Variants in DNAI7 observed in about 807,000 individuals in gnomAD.
DNAI7 encodes the protein dynein axonemal intermediate chain 7.
In DNAI7, 78 loss-of-function variants were observed where a neutral mutation model predicts 86.6. The observed-to-expected ratio is 0.90, with a 90% CI of 0.75 to 1.09. DNAI7 has a LOEUF of 1.09. DNAI7 is among the 50% of genes least tolerant of loss of function. The pLI, the probability that DNAI7 is intolerant of heterozygous loss-of-function variation, is 0.00. For missense variants in DNAI7, 753 were observed against 810.2 expected (o/e 0.93, Z 0.86); for synonymous variants, 274 against 273.0 (o/e 1.00, Z -0.04).
At chr12:25,162,931 T>C (rs1213666434) in intron 2 of DNAI7, among the ~76,000 whole-genome samples, 2 of 152,154 alleles carry the variant, frequency 1.3e-5, no homozygotes, top group South Asian at 2.1e-4. Flanking sequence ...AGACTCCAGA[T>C]TGTGAATTTT....
chr12:25,176,163 A>C (rs1294747309), intron 2 of DNAI7, among the ~76,000 whole-genome samples: 1 of 152,168 alleles, frequency 6.6e-6, no homozygotes, highest in Non-Finnish European at 1.5e-5. Context: ...TTTTTAAAAT[A>C]AAAATGTTAA....
chr12:25,141,359 A>C (rs1944164435), intron 9 of DNAI7, among the ~76,000 whole-genome samples: 1 of 152,250 alleles, frequency 6.6e-6, no homozygotes. Context: ...AAGGAACTCA[A>C]ACAAATCAGC....
chr12:25,139,355 G>A (rs780353356), intron 9 of DNAI7, among the ~76,000 whole-genome samples: 20 of 152,034 alleles, frequency 1.3e-4, no homozygotes, highest in African/African-American at 7.2e-5. Flanking sequence ...TTCCTAAATC[G>A]TTCCACGGAG....
chr12:25,129,238 TA>T (rs1713151692), intron 9 of DNAI7, among the ~76,000 whole-genome samples: 1 of 152,214 alleles, frequency 6.6e-6, no homozygotes, highest in African/African-American at 2.4e-5. Context: ...TAATCCTGTT[TA>T]ATTTGGTGCA....
chr12:25,169,679 C>T (rs1258928598), intron 2 of DNAI7, among the ~76,000 whole-genome samples: 1 of 151,842 alleles, frequency 6.6e-6, no homozygotes, highest in Admixed American at 6.6e-5. Flanking sequence ...GAAACTCTGT[C>T]TCTACTAAAA....
At chr12:25,171,605 TCC>T (rs1464062781) in intron 2 of DNAI7, among the ~76,000 whole-genome samples, 2 of 152,006 alleles carry the variant, frequency 1.3e-5, no homozygotes, top group African/African-American at 2.4e-5. Flanking sequence ...GAAGGAACCC[TCC>T]CTAATTCATT....
At chr12:25,136,116 G>A (rs943625396) in intron 9 of DNAI7, among the ~76,000 whole-genome samples, 2 of 152,092 alleles carry the variant, frequency 1.3e-5, no homozygotes, top group African/African-American at 2.4e-5. Context: ...GAAAACCAGT[G>A]CCCTAAACAA....
rs1358900437 is a variant in DNAI7 at position 25,111,796 on chromosome 12, A to G, written c.1755T>C (p.His585=). ...CCTTATTGTTTATAATAACATAAAA[A>G]TGAGAGTGTCTAGTAGGAAAGATAT... ...GLNIFPTRHS[H]FYVIINNKVP... is the part of the protein sequence containing the mutation. The change falls in exon 14 of 16, where the codon CAT becomes CAC. Residue 585 remains histidine, a synonymous_variant. Transcript: ENST00000395987. The G allele has an allele frequency of 6.3e-7, 1 of 1,590,236 alleles. No individual in the cohort carries two copies.
downstream of DNAI7, chr12:25,108,271 TAAGG>T (rs1253851483): frequency 6.9e-6 from 4 of 576,106 alleles, no homozygotes; most frequent in Non-Finnish European, 1.2e-5. Flanking sequence ...ATGAGCTTTT[TAAGG>T]AAGAAATATT....
At chr12:25,165,970 A>G (rs1275205466) in intron 2 of DNAI7, among the ~76,000 whole-genome samples, 1 of 151,886 alleles carries the variant, frequency 6.6e-6, no homozygotes, top group African/African-American at 2.4e-5. Flanking sequence ...CCACACCTCA[A>G]TGCCGCCTTT....
intron 3 of DNAI7, 33 bp downstream of exon 3, chr12:25,161,080 T>C (rs1244741262): frequency 6.8e-7 from 1 of 1,481,220 alleles, no homozygotes; most frequent in Non-Finnish European, 9.4e-7. Context: ...CTATTACCTG[T>C]ATAGGTAAAT....
intron 9 of DNAI7, among the ~76,000 whole-genome samples, chr12:25,142,318 T>A (rs1233481585): frequency 6.6e-6 from 1 of 151,096 alleles, no homozygotes. Flanking sequence ...TGCATAAGAA[T>A]GATACAATGG....
intron 6 of DNAI7, among the ~76,000 whole-genome samples, chr12:25,150,548 G>A (rs1289121864): frequency 7.1e-6 from 1 of 141,256 alleles, no homozygotes; most frequent in Non-Finnish European, 1.5e-5. Flanking sequence ...AGCTTGCAGT[G>A]AGCCGAGATT....
chr12:25,120,434 C>A (rs1941087245), intron 11 of DNAI7, among the ~76,000 whole-genome samples: 1 of 151,600 alleles, frequency 6.6e-6, no homozygotes, highest in African/African-American at 2.4e-5. Flanking sequence ...TAAAAATAAA[C>A]CAAGTCGGCC....
downstream of DNAI7, chr12:25,108,030 A>C (rs1949334043): frequency 1.9e-6 from 3 of 1,613,952 alleles, no homozygotes; most frequent in Non-Finnish European, 2.5e-6. Flanking sequence ...CATTTACCAG[A>C]CTCCGACACA....
At chr12:25,184,900 A>C (rs1304153014) in intron 2 of DNAI7, among the ~76,000 whole-genome samples, 1 of 151,780 alleles carries the variant, frequency 6.6e-6, no homozygotes, top group Non-Finnish European at 1.5e-5. Context: ...CGGGAGGTCA[A>C]AGCAGAATTG....
chr12:25,193,023 G>C (rs1483153467), intron 1 of DNAI7, among the ~76,000 whole-genome samples: 3 of 151,692 alleles, frequency 2.0e-5, no homozygotes, highest in African/African-American at 7.3e-5. Flanking sequence ...CACGTGCCTT[G>C]TACTCCCAGC....
chr12:25,176,221 A>C (rs1948943000), intron 2 of DNAI7, among the ~76,000 whole-genome samples: 2 of 152,114 alleles, frequency 1.3e-5, no homozygotes, highest in African/African-American at 4.8e-5. Context: ...CCCTCACAGA[A>C]TCTTATCCTA....
chr12:25,125,939 C>T (rs1016172359), intron 9 of DNAI7, among the ~76,000 whole-genome samples: 4 of 152,120 alleles, frequency 2.6e-5, no homozygotes, highest in South Asian at 2.1e-4. Flanking sequence ...GGCCTTATTT[C>T]TGGTCTCTCT....
Sources: allele counts gnomAD v4.1 joint callset (sites outside exome capture counted in the v4.1 genomes callset), GRCh38; gene constraint gnomAD v4.1.1; transcripts MANE v1.5; gene names NCBI Gene and HGNC (gene_info 2026-07-23, HGNC 2026-07-21).